The following RABGAP1L variants were observed in gnomAD, a reference collection of about 807,000 sequenced individuals.
RABGAP1L encodes the protein rab GTPase-activating protein 1-like.
A neutral mutation model predicts 137.7 loss-of-function variants in RABGAP1L; 63 were observed. The observed-to-expected ratio is 0.46, with a 90% confidence interval of 0.37 to 0.56. The LOEUF is 0.56. RABGAP1L is among the 20% of genes least tolerant of loss of function. RABGAP1L has a pLI of 0.00. For missense variants in RABGAP1L, 1,095 were observed against 1,244.0 expected, an observed-to-expected ratio of 0.88 and a Z score of 1.80; for synonymous variants, 431 against 433.7, an observed-to-expected ratio of 0.99 and a Z score of 0.08.
intron 11 of RABGAP1L, among the ~76,000 whole-genome samples, chr1:174,332,458 A>G (rs941047343): frequency 3.9e-5 from 6 of 152,188 alleles, no homozygotes; most frequent in African/African-American, 1.4e-4. Context: ...GTGCAGCAGC[A>G]TGATCTTGGC....
chr1:174,224,593 G>A (rs1670018355), intron 3 of RABGAP1L, among the ~76,000 whole-genome samples: 1 of 152,152 alleles, frequency 6.6e-6, no homozygotes, highest in South Asian at 2.1e-4. Flanking sequence ...GGATAGAGTT[G>A]TTTCTCTGTT....
At chr1:174,550,747 C>T (rs576604572) in intron 13 of RABGAP1L, among the ~76,000 whole-genome samples, 43 of 149,818 alleles carry the variant, frequency 2.9e-4, no homozygotes, top group Admixed American at 6.0e-4. Flanking sequence ...AAGCTGGGCG[C>T]GGTGGCTCAC....
chr1:174,875,818 C>T (rs1653000260), intron 19 of RABGAP1L: 3 of 594,634 alleles, frequency 5.0e-6, no homozygotes, highest in Non-Finnish European at 2.1e-6. Context: ...AAAATGTTAA[C>T]GAAAATAATG....
chr1:174,193,546 A>G (rs546310927), intron 1 of RABGAP1L, among the ~76,000 whole-genome samples: 4 of 152,338 alleles, frequency 2.6e-5, no homozygotes, highest in Non-Finnish European at 1.5e-5. Context: ...TCCCCAAAAT[A>G]GAAAACCTGT....
chr1:174,975,366 G>A (rs58618779), intron 21 of RABGAP1L, among the ~76,000 whole-genome samples: 17,549 of 152,216 alleles, frequency 0.12, 1,151 homozygotes, highest in East Asian at 0.32. Context: ...ACTTGAAGCC[G>A]AGGCCTAAAA....
chr1:174,459,617 A>G (rs2149277485), intron 13 of RABGAP1L, among the ~76,000 whole-genome samples: 1 of 152,282 alleles, frequency 6.6e-6, no homozygotes, highest in East Asian at 1.9e-4. Context: ...AATAGTGACA[A>G]GAAATGTACA....
At chr1:174,596,788 T>C (rs971547041) in intron 13 of RABGAP1L, among the ~76,000 whole-genome samples, 3 of 152,204 alleles carry the variant, frequency 2.0e-5, no homozygotes, top group Non-Finnish European at 4.4e-5. Context: ...ATCTTTGTCT[T>C]GTTCCAGATC....
chr1:174,775,313 ACTTT>A (rs1337517293), intron 18 of RABGAP1L, among the ~76,000 whole-genome samples: 1 of 108,262 alleles, frequency 9.2e-6, no homozygotes, highest in African/African-American at 2.6e-5. Flanking sequence ...CCAGGAGAAA[ACTTT>A]TTTTTTTTTT....
In RABGAP1L at chr1:174,983,022, A is replaced by G. The variant is rs41266058; in HGVS notation, c.2805+117A>G. The G allele has an allele frequency of 9.0e-3, 9,791 of 1,088,598 alleles. 73 individuals carry two copies. Among genetic ancestry groups the G allele is most frequent in the Non-Finnish European group, 0.011 (8,157 of 739,652 alleles). 67.4% of individuals were successfully genotyped at this position (1,088,598 alleles called of 1,614,324 possible). ...ATTAAAGGATTTATTAATAGGAATT[A>G]TGGAGACTAGGATACCTCTCTTCTG... On this transcript the variant is annotated intron_variant, in intron 24 of 25. Transcript: ENST00000681986.
chr1:174,417,974 A>G (rs58842085), intron 13 of RABGAP1L, among the ~76,000 whole-genome samples: 5,277 of 152,252 alleles, frequency 0.035, 120 homozygotes, highest in Middle Eastern at 0.088. Context: ...ATTTTTTTAT[A>G]TTGTGATAAA....
intron 13 of RABGAP1L, among the ~76,000 whole-genome samples, chr1:174,517,635 G>A (rs191317719): frequency 1.3e-5 from 2 of 152,222 alleles, no homozygotes; most frequent in East Asian, 3.9e-4. Flanking sequence ...TATAGCTATT[G>A]AATGTAAATG....
At chr1:174,397,001 G>T (rs921063170) in intron 13 of RABGAP1L, among the ~76,000 whole-genome samples, 7 of 151,942 alleles carry the variant, frequency 4.6e-5, no homozygotes, top group African/African-American at 9.6e-5. Flanking sequence ...AATTAGCTGG[G>T]CATGGTTGCA....
intron 19 of RABGAP1L, among the ~76,000 whole-genome samples, chr1:174,875,008 A>G (rs1652851377): frequency 6.6e-6 from 1 of 152,174 alleles, no homozygotes; most frequent in South Asian, 2.1e-4. Flanking sequence ...CACTGCAGCT[A>G]CAATAGAGGA....
chr1:174,702,143 T>G lies in RABGAP1L; in HGVS notation c.2056T>G (p.Ser686Ala). The change falls in exon 17 of 26, where the codon TCT becomes GCT. Residue 686 changes from serine (S) to alanine (A), a missense_variant. By Grantham distance (99) the Ser-to-Ala change is moderately conservative (BLOSUM62 1). This residue lies in a region of RABGAP1L where 312 missense variants were observed against 435.6 expected (regional missense o/e 0.72). Transcript: ENST00000681986. ...EQLPDLHSHF[S>A]DLNLEAHMYA... ...GCTACCGGACCTGCATAGCCATTTT[T>G]CTGATCTGAACCTGGAAGCTCATAT... 6.2e-7 allele frequency: 1 copy of G among 1,611,982 alleles called. No individual in the cohort carries two copies. The highest frequency in any genetic ancestry group is 1.1e-5 in the South Asian group (1 of 90,472).
At chr1:174,181,924 C>G (rs1666403201) in intron 1 of RABGAP1L, among the ~76,000 whole-genome samples, 1 of 152,120 alleles carries the variant, frequency 6.6e-6, no homozygotes, top group African/African-American at 2.4e-5. Context: ...ACTGTACTCC[C>G]TCCCTAATTT....
chr1:174,953,790 A>G (rs1006717893), intron 19 of RABGAP1L, among the ~76,000 whole-genome samples: 3 of 152,184 alleles, frequency 2.0e-5, no homozygotes, highest in Non-Finnish European at 4.4e-5. Flanking sequence ...GGGAAAAACT[A>G]TAGGGAAAGG....
At chr1:174,447,343 C>T (rs1230331647) in intron 13 of RABGAP1L, among the ~76,000 whole-genome samples, 3 of 152,044 alleles carry the variant, frequency 2.0e-5, no homozygotes, top group African/African-American at 7.2e-5. Flanking sequence ...AGTTATAGGG[C>T]AATCTGGAGT....
intron 5 of RABGAP1L, among the ~76,000 whole-genome samples, chr1:174,246,883 A>G (rs1331552231): frequency 6.6e-6 from 1 of 152,228 alleles, no homozygotes; most frequent in Non-Finnish European, 1.5e-5. Flanking sequence ...GCTTATTCAC[A>G]GACTCTAGAA....
chr1:174,788,493 G>C lies in RABGAP1L; in HGVS notation c.2212-23339G>C, dbSNP rs967865805. 3.4e-4 allele frequency among the ~76,000 whole-genome samples: 51 copies of C among 152,168 alleles called. 1 individual carries two copies. Among genetic ancestry groups the C allele is most frequent in the African/African-American group, 1.2e-3 (49 of 41,434 alleles). On this transcript the variant is annotated intron_variant, in intron 18 of 25. Transcript: ENST00000681986. The stretch of plus-strand genomic sequence containing the variant: ...TCTATTTCCGTAGCACACCAGTCCA[G>C]GCTCTCATTTTCTCACATTCGATTG...
Sources: gnomAD v4.1 joint callset for allele counts (sites outside exome capture counted in the v4.1 genomes callset) on GRCh38, gnomAD v4.1.1 for gene constraint, gnomAD v4.1.1 regional missense constraint, MANE v1.5 for transcripts, NCBI Gene and HGNC (gene_info 2026-07-23, HGNC 2026-07-21) for gene names.